The following GUCY1A1 variants were observed in gnomAD, a reference collection of about 807,000 sequenced individuals.
The protein encoded by GUCY1A1 is guanylate cyclase 1 soluble subunit alpha 1, also known as guanylate cyclase soluble subunit alpha-1.
In GUCY1A1, 48 loss-of-function variants were observed where a neutral mutation model predicts 64.5. The observed-to-expected ratio is 0.74, with a 90% CI of 0.59 to 0.95. The LOEUF (loss-of-function observed/expected upper bound fraction) is 0.95, where lower values mean the gene tolerates loss of function less well. Among genes scored for constraint, GUCY1A1 ranks in the 40% least tolerant of loss-of-function variants. GUCY1A1 has a pLI of 0.00. For synonymous variants in GUCY1A1, 308 were observed against 303.4 expected (o/e 1.02, Z -0.16); for missense variants, 804 against 825.3 (o/e 0.97, Z 0.32).
chr4:155,726,182 T>A (rs565964925), intron 9 of GUCY1A1, among the ~76,000 whole-genome samples: 3 of 152,148 alleles, frequency 2.0e-5, no homozygotes, highest in Non-Finnish European at 4.4e-5. Context: ...TTTACTTTCT[T>A]TTTATTCTCG....
rs1732778736 is a variant in GUCY1A1, at chr4:155,713,051, T to C, written c.1087-47T>C. 3 of 1,516,784 alleles carry C rather than the reference T, an allele frequency of 2.0e-6. No homozygotes were observed. The East Asian group carries it at 6.8e-5, about 34-fold the overall frequency. The allele number at this position is 1,516,784 out of a possible 1,614,324, so 94.0% of individuals were successfully genotyped here. ...TTCCCCTTCTTTTGTCTCAGAAAGA[T>C]GTGGGAAACTTGAATAAACCACAAT... is the stretch of plus-strand genomic sequence containing the variant. On this transcript the variant is annotated intron_variant, in intron 6 of 9. Transcript: ENST00000506455.
chr4:155,705,521 C>T (rs920044341), intron 4 of GUCY1A1, among the ~76,000 whole-genome samples: 1 of 126,214 alleles, frequency 7.9e-6, no homozygotes, highest in Non-Finnish European at 1.6e-5. Context: ...GCCTGGGCGA[C>T]AGAGTGAGAC....
intron 7 of GUCY1A1, among the ~76,000 whole-genome samples, chr4:155,714,814 A>T (rs941291052): frequency 6.6e-6 from 1 of 152,244 alleles, no homozygotes; most frequent in African/African-American, 2.4e-5. Flanking sequence ...AAAGAGGTCC[A>T]TGTATACTTA....
Position 155,730,929 on chromosome 4 carries a change from T to C in GUCY1A1, c.*698T>C, listed in dbSNP as rs1735474634. On this transcript the variant is annotated 3_prime_UTR_variant, in exon 10 of 10. Coordinates refer to ENST00000506455, the MANE Select transcript of GUCY1A1 (RefSeq NM_001130682.3). ...TAAATATTTCTTTTGTTTGACTTTT[T>C]TAAAATTCTACAATGGTAAAAGCTA... The C allele has an allele frequency of 6.5e-6, 1 of 153,414 alleles. No individual in the cohort carries two copies. Among genetic ancestry groups the C allele is most frequent in the African/African-American group, 2.4e-5 (1 of 41,434 alleles). 9.5% of individuals were successfully genotyped at this position (153,414 alleles called of 1,614,324 possible). A position where few individuals can be genotyped will look rare whatever the true frequency, so the allele number is the denominator to read the frequency against.
At chr4:155,674,777 G>A (rs1398636017) in intron 2 of GUCY1A1, among the ~76,000 whole-genome samples, 5 of 151,412 alleles carry the variant, frequency 3.3e-5, no homozygotes, top group African/African-American at 7.4e-5. Context: ...GCTGTTTTAC[G>A]GTTAACTTAT....
intron 2 of GUCY1A1, among the ~76,000 whole-genome samples, chr4:155,677,855 A>AAT (rs3043660): frequency 2.0e-5 from 3 of 151,218 alleles, no homozygotes; most frequent in South Asian, 2.1e-4. Context: ...CCATTTCAAA[A>AAT]ATATATATAT....
rs1735599067 is a variant in GUCY1A1 at position 155,731,954 on chromosome 4, T to C, written c.*1723T>C. The C allele has an allele frequency of 6.6e-6, 1 of 151,772 alleles. No individual in the cohort carries two copies. Among genetic ancestry groups the C allele is most frequent in the Non-Finnish European group, 1.5e-5 (1 of 67,840 alleles). The allele number at this position is 151,772 out of a possible 1,614,324, so 9.4% of individuals were successfully genotyped here. ...CTATTATTGGAAAGTGCCATAGGCC[T>C]TGAGAAAGTATAGTTACATCCTCAC... On this transcript the variant is annotated 3_prime_UTR_variant, in exon 10 of 10. Transcript: ENST00000506455.
At chr4:155,705,946 A>T (rs1731704172) in intron 4 of GUCY1A1, among the ~76,000 whole-genome samples, 1 of 152,202 alleles carries the variant, frequency 6.6e-6, no homozygotes, top group Non-Finnish European at 1.5e-5. Context: ...CTGATAAGAT[A>T]GTCTTAAGTC....
intron 2 of GUCY1A1, among the ~76,000 whole-genome samples, chr4:155,695,748 A>G (rs1730323608): frequency 6.6e-6 from 1 of 152,170 alleles, no homozygotes. Flanking sequence ...AGTTCCCAGC[A>G]CTGTGTCAGG....
At chr4:155,671,555 C>T (rs1052031260) in intron 2 of GUCY1A1, among the ~76,000 whole-genome samples, 1 of 152,098 alleles carries the variant, frequency 6.6e-6, no homozygotes, top group Non-Finnish European at 1.5e-5. Context: ...CAGATTATCT[C>T]CAGACTCTTC....
At chr4:155,722,384 C>T in intron 9 of GUCY1A1, 192 bp downstream of exon 9, 1 of 1,400,366 alleles carries the variant, frequency 7.1e-7, no homozygotes, top group Non-Finnish European at 9.2e-7. Context: ...AATGACTTGC[C>T]TGAGGTGTTT....
At chr4:155,728,565 C>T (rs1338859028) in intron 9 of GUCY1A1, among the ~76,000 whole-genome samples, 4 of 151,868 alleles carry the variant, frequency 2.6e-5, no homozygotes. Context: ...AAATGGTATT[C>T]CCAGACCATA....
intron 2 of GUCY1A1, among the ~76,000 whole-genome samples, chr4:155,689,799 A>G (rs952949887): frequency 6.6e-6 from 1 of 152,214 alleles, no homozygotes; most frequent in African/African-American, 2.4e-5. Flanking sequence ...GTCGGGGGGC[A>G]GGGGCACTCC....
intron 7 of GUCY1A1, among the ~76,000 whole-genome samples, chr4:155,714,201 G>C (rs1276874035): frequency 6.6e-6 from 1 of 152,166 alleles, no homozygotes; most frequent in Non-Finnish European, 1.5e-5. Context: ...TGCCTTACTT[G>C]CTTTGTAAAC....
At chr4:155,725,624 A>G (rs557311854) in intron 9 of GUCY1A1, among the ~76,000 whole-genome samples, 5 of 152,114 alleles carry the variant, frequency 3.3e-5, no homozygotes, top group African/African-American at 9.7e-5. Context: ...ACAGTATGAA[A>G]CTAAACTTTT....
chr4:155,684,253 C>T (rs796691270), intron 2 of GUCY1A1, among the ~76,000 whole-genome samples: 3 of 152,268 alleles, frequency 2.0e-5, no homozygotes, highest in African/African-American at 7.2e-5. Context: ...CAGCCTTTCT[C>T]AATATGGACT....
Position 155,734,192 on chromosome 4 carries a change from A to G in GUCY1A1, c.*3961A>G, listed in dbSNP as rs762498965. 4.0e-5 allele frequency among the ~76,000 whole-genome samples: 6 copies of G among 151,896 alleles called. No homozygotes were observed. Among genetic ancestry groups the G allele is most frequent in the Non-Finnish European group, 8.8e-5 (6 of 67,914 alleles). On this transcript the variant is annotated 3_prime_UTR_variant, in exon 10 of 10. Transcript: ENST00000506455. The stretch of plus-strand genomic sequence containing the variant: ...GGCCTAGCAAATGAAAGAGATGAAT[A>G]AACAAGAGTGTCTAGTCTAACTAGT...
intron 2 of GUCY1A1, among the ~76,000 whole-genome samples, chr4:155,685,255 C>T (rs1199706178): frequency 6.6e-6 from 1 of 152,198 alleles, no homozygotes; most frequent in East Asian, 1.9e-4. Context: ...ATGTCCCCAA[C>T]AGCTCTTTAA....
intron 2 of GUCY1A1, among the ~76,000 whole-genome samples, chr4:155,681,883 G>T: frequency 6.6e-6 from 1 of 152,240 alleles, no homozygotes. Context: ...ATTTTCAAAA[G>T]CACCTCCACC....
Sources: gnomAD v4.1 joint callset for allele counts (sites outside exome capture counted in the v4.1 genomes callset) on GRCh38, gnomAD v4.1.1 for gene constraint, MANE v1.5 for transcripts, NCBI Gene and HGNC (gene_info 2026-07-23, HGNC 2026-07-21) for gene names.